ATP12A: variants seen among roughly 807,000 people sequenced by gnomAD.
ATP12A encodes the protein potassium-transporting ATPase alpha chain 2.
Under a neutral mutation model 111.2 loss-of-function variants are expected in ATP12A, and 81 were observed. The observed-to-expected ratio is 0.73, with a 90% CI of 0.61 to 0.88. The LOEUF (loss-of-function observed/expected upper bound fraction) is 0.88. ATP12A is among the 40% of genes least tolerant of loss of function. ATP12A has a pLI of 0.00. For missense variants in ATP12A, 1,196 were observed against 1,313.1 expected (o/e 0.91, Z 1.38); for synonymous variants, 498 against 499.8 (o/e 1.00, Z 0.05).
intron 17 of ATP12A, 85 bp from the exon 18 acceptor site, chr13:24,709,279 G>GCCCCCCCCCCCCCCCCCC: frequency 9.5e-6 from 2 of 211,220 alleles, no homozygotes; most frequent in South Asian, 1.6e-4. Context: ...TCCAGCCAGT[G>GCCCCCCCCCCCCCCCCCC]CCCCACCCAC....
Position 24,681,434 on chromosome 13 carries a change from C to T in ATP12A, c.10-128C>T, listed in dbSNP as rs954270296. On this transcript the variant is annotated intron_variant, in intron 1 of 22. Coordinates refer to ENST00000381946, the MANE Select transcript of ATP12A (RefSeq NM_001676.7). ...CCACTGTCCGACTCCCTCCGGCCTC[C>T]CCAGAGGAGGGAAGGAAAGGGAGAA... The T allele has an allele frequency of 6.0e-6, 7 of 1,176,366 alleles. No homozygotes were observed. In the Admixed American group the frequency reaches 1.5e-4, roughly 26 times the overall value. 72.9% of individuals were successfully genotyped at this position (1,176,366 alleles called of 1,614,324 possible).
intron 14 of ATP12A, chr13:24,704,660 C>A: frequency 4.9e-6 from 1 of 205,356 alleles, no homozygotes; most frequent in South Asian, 7.2e-5. Context: ...TAGCAGACTC[C>A]AGAATGTGCT....
intron 11 of ATP12A, among the ~76,000 whole-genome samples, chr13:24,695,378 A>T (rs1260290188): frequency 1.3e-5 from 2 of 152,114 alleles, no homozygotes; most frequent in African/African-American, 2.4e-5. Flanking sequence ...GGGCTGGCCG[A>T]CAGTCAGCCA....
intron 12 of ATP12A, among the ~76,000 whole-genome samples, chr13:24,699,989 A>G (rs1875323109): frequency 6.6e-6 from 1 of 152,238 alleles, no homozygotes; most frequent in Non-Finnish European, 1.5e-5. Flanking sequence ...GGTATTCTAC[A>G]CGGGATCGAT....
intron 17 of ATP12A, among the ~76,000 whole-genome samples, chr13:24,708,886 GAGAAAGAAAGAAAGGAA>G (rs1407215663): frequency 2.2e-5 from 2 of 92,326 alleles, no homozygotes; most frequent in Admixed American, 2.2e-4. Context: ...GAGAGAGAAA[GAGAAAGAAAGAAAGGAA>G]AGAAAGAAAG....
At position 24,711,956 on chromosome 13, in the gene ATP12A, T is replaced by C. The variant is rs1317305273; in HGVS notation, c.*434T>C. Reference sequence around the variant, plus strand: ...TTTCTGCAGATCCCCTGAGAAGGTATGTTTTCATGGTCTCCTTGCTCGAAA... The same window carrying C: ...TTTCTGCAGATCCCCTGAGAAGGTACGTTTTCATGGTCTCCTTGCTCGAAA... On this transcript the variant is annotated 3_prime_UTR_variant, in exon 23 of 23. Transcript: ENST00000381946. 2 of 204,000 alleles carry C rather than the reference T, an allele frequency of 9.8e-6. No homozygotes were observed. The highest frequency in any genetic ancestry group is 5.3e-5 in the Admixed American group (1 of 18,850). 12.6% of individuals were successfully genotyped at this position (204,000 alleles called of 1,614,324 possible).
At chr13:24,690,516 C>A in intron 6 of ATP12A, 44 bp downstream of exon 6, 1 of 1,608,730 alleles carries the variant, frequency 6.2e-7, no homozygotes, top group South Asian at 1.1e-5. Flanking sequence ...TGTTCCAAAC[C>A]TGCTGGCTCT....
In ATP12A at chr13:24,685,966, T is replaced by A. The variant is rs1874649956; in HGVS notation, c.228+593T>A. ...TGTCAAAGTATTCACATTAAACTAATGAGTAGGAGCTGTCTTAGAGGCAGA... is the reference window on the plus strand; with the variant it reads ...TGTCAAAGTATTCACATTAAACTAAAGAGTAGGAGCTGTCTTAGAGGCAGA... On this transcript the variant is annotated intron_variant, in intron 3 of 22. Coordinates refer to ENST00000381946, the MANE Select transcript of ATP12A (RefSeq NM_001676.7). This position sits in a 1 kb window ranked among gnomAD's most constrained non-coding sequence, Gnocchi z 5.5. Among the ~76,000 whole-genome samples, 1 of 152,200 alleles carries A rather than the reference T, an allele frequency of 6.6e-6. No individual in the cohort carries two copies. Among genetic ancestry groups the A allele is most frequent in the Non-Finnish European group, 1.5e-5 (1 of 68,016 alleles).
In ATP12A at chr13:24,689,349, T is replaced by C; in HGVS notation, c.520T>C (p.Ser174Pro). 6.2e-7 allele frequency: 1 copy of C among 1,614,106 alleles called. No individual in the cohort carries two copies. Among genetic ancestry groups the C allele is most frequent in the Non-Finnish European group, 8.5e-7 (1 of 1,179,986 alleles). Residue 174 changes from serine (S) to proline (P), a missense_variant, in exon 5 of 23, where the codon TCC (serine) becomes CCC (proline). Ser to Pro is a moderately conservative substitution (Grantham distance 74). Coordinates refer to ENST00000381946, the MANE Select transcript of ATP12A (RefSeq NM_001676.7). ...AGAGGCAAAAAGCACCAACATCATG[T>C]CCAGCTTCAATAAGATGATCCCTCA... The part of the protein sequence containing the change: ...YQEAKSTNIM[S>P]SFNKMIPQQA...
intron 12 of ATP12A, 136 bp downstream of exon 12, chr13:24,698,986 G>T: frequency 8.7e-7 from 1 of 1,145,812 alleles, no homozygotes; most frequent in East Asian, 2.5e-5. Flanking sequence ...TAAGCAGGAT[G>T]GGAACAAGGA....
chr13:24,687,831 G>A (rs995213532), intron 3 of ATP12A, among the ~76,000 whole-genome samples: 4 of 152,210 alleles, frequency 2.6e-5, no homozygotes, highest in African/African-American at 9.6e-5. Context: ...GCCCTGGTGA[G>A]CAGCTTCTTC....
chr13:24,696,987 C>T (rs553207732), intron 11 of ATP12A, among the ~76,000 whole-genome samples: 13 of 152,132 alleles, frequency 8.5e-5, no homozygotes, highest in Non-Finnish European at 1.8e-4. Flanking sequence ...AAACAGTTTA[C>T]GGCAAATTGG....
At position 24,687,726 on chromosome 13, in the gene ATP12A, G is replaced by A. The variant is rs537239097; in HGVS notation, c.229-593G>A. Among the ~76,000 whole-genome samples the A allele has an allele frequency of 1.4e-3, 212 of 152,332 alleles. 2 individuals are homozygous for A. The highest frequency in any genetic ancestry group is 4.8e-3 in the African/African-American group (201 of 41,572). On this transcript the variant is annotated intron_variant, in intron 3 of 22. Transcript: ENST00000381946. ...GCTGGATGTGTAGAAAGGTGGAAAA[G>A]GAGCAGGCGTAAGGATGGAAACTAA...
At position 24,691,242 on chromosome 13, in the gene ATP12A, A is replaced by G. The variant is rs2137697644; in HGVS notation, c.1060A>G (p.Thr354Ala). 2 of 1,611,828 alleles carry G rather than the reference A, an allele frequency of 1.2e-6. No individual in the cohort carries two copies. The highest frequency in any genetic ancestry group is 4.5e-5 in the East Asian group (2 of 44,868). Residue 354 changes from threonine to alanine, a missense_variant, in exon 8 of 23, where the codon ACT becomes GCT. By Grantham distance (58) the Thr-to-Ala change is moderately conservative. Around this residue, in one of 3 missense-constraint regions of ATP12A, gnomAD observed 1,126 missense variants for 1,228.5 expected, o/e 0.92. Coordinates refer to ENST00000381946, the MANE Select transcript of ATP12A (RefSeq NM_001676.7). ...VANVPEGLLA[T>A]VTVTLSLTAK... is the part of the protein sequence containing the mutation. ...CAATGTGCCCGAGGGCCTCCTGGCCACTGTCACTGTGAGTCCATGCTGTTA... is the reference window on the plus strand; with the variant it reads ...CAATGTGCCCGAGGGCCTCCTGGCCGCTGTCACTGTGAGTCCATGCTGTTA...
chr13:24,702,502 G>A (rs1339356775), intron 14 of ATP12A, among the ~76,000 whole-genome samples: 1 of 152,168 alleles, frequency 6.6e-6, no homozygotes, highest in African/African-American at 2.4e-5. Flanking sequence ...GTTTCATAAC[G>A]TGTAGCTATG....
At chr13:24,684,773 C>T (rs995826893) in intron 2 of ATP12A, among the ~76,000 whole-genome samples, 1 of 152,202 alleles carries the variant, frequency 6.6e-6, no homozygotes, top group Non-Finnish European at 1.5e-5. Context: ...TGGGTTTATT[C>T]AGCAGAACTT....
intron 21 of ATP12A, 81 bp from the exon 22 acceptor site, chr13:24,711,237 G>A (rs556560685): frequency 5.4e-4 from 689 of 1,286,682 alleles, no homozygotes; most frequent in Non-Finnish European, 7.0e-4. Context: ...ACAAATGAAC[G>A]AGAAGCCCCA....
intron 18 of ATP12A, 79 bp downstream of exon 18, chr13:24,709,566 G>T (rs920025460): frequency 6.3e-7 from 1 of 1,596,164 alleles, no homozygotes; most frequent in Non-Finnish European, 8.6e-7. Flanking sequence ...CAGCCAGAAA[G>T]TGTGGTTTTC....
chr13:24,702,153 A>G, intron 14 of ATP12A, 82 bp downstream of exon 14: 1 of 1,551,540 alleles, frequency 6.4e-7, no homozygotes, highest in Middle Eastern at 1.7e-4. Context: ...ACTACTTGGA[A>G]CAAATCAGCT....
Sources: gnomAD v4.1 joint callset for allele counts (sites outside exome capture counted in the v4.1 genomes callset) on GRCh38, gnomAD v4.1.1 for gene constraint, gnomAD v4.1.1 regional missense constraint, Gnocchi (gnomAD v3.1) non-coding constraint, MANE v1.5 for transcripts, NCBI Gene and HGNC (gene_info 2026-07-23, HGNC 2026-07-21) for gene names.